Variants in OR51I2 observed in about 807,000 individuals in gnomAD.
The protein encoded by OR51I2 is olfactory receptor family 51 subfamily I member 2, also known as olfactory receptor 51I2.
Under a neutral mutation model 9.3 loss-of-function variants are expected in OR51I2, and 6 were observed. That is an observed-to-expected ratio of 0.64 (90% CI 0.35 to 1.27). The LOEUF is 1.27. Among genes scored for constraint, OR51I2 ranks in the 50% most tolerant of loss-of-function variants. The probability of loss-of-function intolerance (pLI) is 0.03; values close to 1 mark genes in which losing one functional copy is unlikely to be tolerated. For missense variants in OR51I2, 489 were observed against 396.4 expected (o/e 1.23, Z -1.98); for synonymous variants, 179 against 143.1 (o/e 1.25, Z -1.79).
chr11:5,453,972 CTTA>C lies in OR51I2; in HGVS notation c.488_490del (p.Ile163del), dbSNP rs1196083380. 3 of 1,614,052 alleles carry C rather than the reference CTTA, an allele frequency of 1.9e-6. No homozygotes were observed. Among genetic ancestry groups the C allele is most frequent in the South Asian group, 2.2e-5 (2 of 91,082 alleles). Reference sequence around the variant, plus strand: ...CATCACCCTTTTCCCTCTTCCCTTTCTTATTAAGAGGCTGCCTATCTGCAGATC... The same window carrying C: ...CATCACCCTTTTCCCTCTTCCCTTTCTTAAGAGGCTGCCTATCTGCAGATC... On this transcript the variant is annotated inframe_deletion, in exon 2 of 2. Coordinates refer to ENST00000641930, the MANE Select transcript of OR51I2 (RefSeq NM_001004754.3).
In OR51I2 at chr11:5,455,560, G is replaced by GA. The variant is rs1256143120; in HGVS notation, c.*1133_*1134insA. 2 of 28,204 alleles carry GA rather than the reference G, an allele frequency of 7.1e-5. No homozygotes were observed. Among genetic ancestry groups the GA allele is most frequent in the Non-Finnish European group, 1.7e-4 (2 of 12,074 alleles). 1.7% of individuals were successfully genotyped at this position (28,204 alleles called of 1,614,324 possible). On this transcript the variant is annotated 3_prime_UTR_variant, in exon 2 of 2. Coordinates refer to ENST00000641930, the MANE Select transcript of OR51I2 (RefSeq NM_001004754.3). ...GAGCGAGGGATTGGGGGAGAAAGAA[G>GA]GGGGGAGAGAGAGAGAGAAAGAGAA...
chr11:5,451,185 C>T (rs1850841806), intron 1 of OR51I2, among the ~76,000 whole-genome samples: 1 of 152,202 alleles, frequency 6.6e-6, no homozygotes, highest in Non-Finnish European at 1.5e-5. Context: ...ACAAAATTAG[C>T]AATCCCCAAG....
intron 1 of OR51I2, among the ~76,000 whole-genome samples, chr11:5,452,411 C>T (rs1056070109): frequency 2.8e-5 from 4 of 145,222 alleles, no homozygotes; most frequent in Non-Finnish European, 3.0e-5. Context: ...GAGGCTGAGG[C>T]AGAAGAATGG....
intron 1 of OR51I2, among the ~76,000 whole-genome samples, chr11:5,452,953 C>A (rs1015434601): frequency 1.3e-5 from 2 of 152,226 alleles, no homozygotes; most frequent in Non-Finnish European, 2.9e-5. Context: ...AGCCCACTGT[C>A]CTTTTCCCTC....
chr11:5,451,865 C>A (rs1303136831), intron 1 of OR51I2, among the ~76,000 whole-genome samples: 5 of 152,192 alleles, frequency 3.3e-5, no homozygotes, highest in Non-Finnish European at 7.3e-5. Flanking sequence ...AGTGAAAAGC[C>A]TTCTAGCCTT....
chr11:5,453,222 G>A (rs1003367486), intron 1 of OR51I2, 37 bp from the exon 2 acceptor site: 1 of 302,414 alleles, frequency 3.3e-6, no homozygotes, highest in African/African-American at 2.2e-5. Flanking sequence ...TTCTATTATT[G>A]AAGTATTTGT....
At chr11:5,450,305 C>T (rs1441895288) in intron 1 of OR51I2, among the ~76,000 whole-genome samples, 2 of 152,042 alleles carry the variant, frequency 1.3e-5, no homozygotes, top group Admixed American at 6.6e-5. Context: ...ACAAGAATCA[C>T]CTGAACCTGG....
At position 5,454,324 on chromosome 11, in the gene OR51I2, T is replaced by C; in HGVS notation, c.836T>C (p.Val279Ala). 1 of 1,614,164 alleles carries C rather than the reference T, an allele frequency of 6.2e-7. No homozygotes were observed. The highest frequency in any genetic ancestry group is 8.5e-7 in the Non-Finnish European group (1 of 1,180,000). Reference sequence around the variant, plus strand: ...TACATACATGTCCTCATGTCAAATGTGTACCTATTTGTGCCTCCTGTGCTC... The same window carrying C: ...TACATACATGTCCTCATGTCAAATGCGTACCTATTTGTGCCTCCTGTGCTC... ...PCYIHVLMSN[V>A]YLFVPPVLNP... The change falls in exon 2 of 2, where the codon GTG (valine) becomes GCG (alanine). Residue 279 changes from valine (V) to alanine (A), a missense_variant. Physicochemically the swap from Val to Ala is moderately conservative, Grantham distance 64. Coordinates refer to ENST00000641930, the MANE Select transcript of OR51I2 (RefSeq NM_001004754.3).
Position 5,453,635 on chromosome 11 carries a change from G to A in OR51I2, c.147G>A (p.Val49=). 6.2e-7 allele frequency: 1 copy of A among 1,613,768 alleles called. No homozygotes were observed. Among genetic ancestry groups the A allele is most frequent in the Non-Finnish European group, 8.5e-7 (1 of 1,179,894 alleles). ...LGGNTVILQA[V]RVEPSLHEPM... Reference sequence around the variant, plus strand: ...GAAATACAGTGATCCTGCAGGCTGTGCGAGTGGAGCCCAGCCTCCATGAGC... The same window carrying A: ...GAAATACAGTGATCCTGCAGGCTGTACGAGTGGAGCCCAGCCTCCATGAGC... The change falls in exon 2 of 2, where the codon GTG becomes GTA. Residue 49 remains valine (V), a synonymous_variant. Transcript: ENST00000641930.
Position 5,453,971 on chromosome 11 carries a change from T to C in OR51I2, c.483T>C (p.Phe161=). The change falls in exon 2 of 2, where the codon TTT becomes TTC. Residue 161 remains phenylalanine, a synonymous_variant. Coordinates refer to ENST00000641930, the MANE Select transcript of OR51I2 (RefSeq NM_001004754.3). ...TCATCACCCTTTTCCCTCTTCCCTT[T>C]CTTATTAAGAGGCTGCCTATCTGCA... The part of the protein sequence containing the change: ...RSFITLFPLP[F]LIKRLPICRS... 1 of 1,614,088 alleles carries C rather than the reference T, an allele frequency of 6.2e-7. No individual in the cohort carries two copies. The highest frequency in any genetic ancestry group is 8.5e-7 in the Non-Finnish European group (1 of 1,180,010).
At position 5,453,655 on chromosome 11, in the gene OR51I2, A is replaced by G. The variant is rs1422130497; in HGVS notation, c.167A>G (p.His56Arg). 3.1e-6 allele frequency: 5 copies of G among 1,613,526 alleles called. No homozygotes were observed. Among genetic ancestry groups the G allele is most frequent in the Non-Finnish European group, 3.4e-6 (4 of 1,179,746 alleles). The change falls in exon 2 of 2, where the codon CAT (histidine) becomes CGT (arginine). Residue 56 changes from histidine to arginine, a missense_variant. His to Arg is a conservative substitution (Grantham distance 29). Transcript: ENST00000641930. The part of the protein sequence containing the change: ...LQAVRVEPSL[H>R]EPMYYFLSML... ...GCTGTGCGAGTGGAGCCCAGCCTCC[A>G]TGAGCCCATGTACTACTTCCTGTCC...
rs1407581085 is a variant in OR51I2 at position 5,452,362 on chromosome 11, C to G, written c.-230-897C>G. 2.6e-5 allele frequency among the ~76,000 whole-genome samples: 4 copies of G among 151,808 alleles called. No individual in the cohort carries two copies. The East Asian group carries it at 5.8e-4, about 22-fold the overall frequency. ...TACTAAAACTACAAAAAAAATTAGC[C>G]GGGCATGGTGGCGGGAGCCTGTAGT... On this transcript the variant is annotated intron_variant, in intron 1 of 1. Coordinates refer to ENST00000641930, the MANE Select transcript of OR51I2 (RefSeq NM_001004754.3).
rs755014153 is a variant in OR51I2, at chr11:5,454,054, G to A, written c.566G>A (p.Cys189Tyr). The change falls in exon 2 of 2, where the codon TGT becomes TAT. Residue 189 changes from cysteine to tyrosine, a missense_variant. Cys to Tyr is a radical substitution (Grantham distance 194, BLOSUM62 -2). Coordinates refer to ENST00000641930, the MANE Select transcript of OR51I2 (RefSeq NM_001004754.3). ...CACCCAGACATGATGAGGCTTGCCT[G>A]TGCTGATATCAGTATCAACAGCATC... The part of the protein sequence containing the change: ...CLHPDMMRLA[C>Y]ADISINSIYG... 26 of 1,613,984 alleles carry A rather than the reference G, an allele frequency of 1.6e-5. No individual in the cohort carries two copies. Among genetic ancestry groups the A allele is most frequent in the Non-Finnish European group, 2.2e-5 (26 of 1,180,024 alleles).
At chr11:5,452,367 A>G (rs11037483) in intron 1 of OR51I2, among the ~76,000 whole-genome samples, 70,709 of 151,198 alleles carry the variant, frequency 0.47, 16,791 homozygotes, top group Non-Finnish European at 0.5. Context: ...TTAGCCGGGC[A>G]TGGTGGCGGG....
rs778549994 is a variant in OR51I2, at chr11:5,453,508, C to T, written c.20C>T (p.Thr7Ile). Reference protein sequence around the residue: MGLFNVTHPAFFLLTGI... With the variant: MGLFNVIHPAFFLLTGI... The stretch of plus-strand genomic sequence containing the variant: ...TTTGCTATGGGGTTGTTCAATGTCA[C>T]TCACCCTGCATTCTTCCTCCTGACT... Residue 7 changes from threonine (T) to isoleucine (I), a missense_variant, in exon 2 of 2, where the codon ACT (threonine) becomes ATT (isoleucine). Thr to Ile is a moderately conservative substitution (Grantham distance 89). Transcript: ENST00000641930. The T allele has an allele frequency of 1.3e-6, 2 of 1,564,416 alleles. No individual in the cohort carries two copies. The highest frequency in any genetic ancestry group is 8.6e-7 in the Non-Finnish European group (1 of 1,158,598).
rs1554893762 is a variant in OR51I2, at chr11:5,455,568, A to AGAG, written c.*1142_*1144dup. The AGAG allele has an allele frequency of 1.7e-4, 23 of 135,428 alleles. 1 individual carries two copies. The highest frequency in any genetic ancestry group is 6.5e-4 in the African/African-American group (23 of 35,648). 8.4% of individuals were successfully genotyped at this position (135,428 alleles called of 1,614,324 possible). ...GATTGGGGGAGAAAGAAGGGGGGAGAGAGAGAGAGAAAGAGAAAGAGAGAA... is the reference window on the plus strand; with the variant it reads ...GATTGGGGGAGAAAGAAGGGGGGAGAGAGGAGAGAGAGAAAGAGAAAGAGAGAA... On this transcript the variant is annotated 3_prime_UTR_variant, in exon 2 of 2. Transcript: ENST00000641930.
rs1272381671 is a variant in OR51I2, at chr11:5,453,567, C to T, written c.79C>T (p.Leu27=). The change falls in exon 2 of 2, where the codon CTG becomes TTG. Residue 27 remains leucine (L), a synonymous_variant. Coordinates refer to ENST00000641930, the MANE Select transcript of OR51I2 (RefSeq NM_001004754.3). ...IPGLESSHSW[L]SGPLCVMYAV... is the part of the protein sequence containing the mutation. ...TGGTCTGGAGAGCTCTCACTCCTGG[C>T]TGTCAGGGCCCCTCTGCGTGATGTA... 6.2e-7 allele frequency: 1 copy of T among 1,611,136 alleles called. No homozygotes were observed. The highest frequency in any genetic ancestry group is 1.1e-5 in the South Asian group (1 of 90,564).
intron 1 of OR51I2, 140 bp from the exon 2 acceptor site, chr11:5,453,119 A>G (rs1308735674): frequency 6.2e-6 from 1 of 161,752 alleles, no homozygotes; most frequent in Non-Finnish European, 1.3e-5. Context: ...TCTTGTGGCT[A>G]TGAATTGTAG....
Position 5,453,687 on chromosome 11 carries a change from T to C in OR51I2, c.199T>C (p.Ser67Pro). The C allele has an allele frequency of 6.2e-7, 1 of 1,613,746 alleles. No homozygotes were observed. The highest frequency in any genetic ancestry group is 8.5e-7 in the Non-Finnish European group (1 of 1,179,794). ...EPMYYFLSML[S>P]FSDVAISMAT... ...CATGTACTACTTCCTGTCCATGTTGTCCTTCAGTGATGTGGCCATATCCAT... is the reference window on the plus strand; with the variant it reads ...CATGTACTACTTCCTGTCCATGTTGCCCTTCAGTGATGTGGCCATATCCAT... The change falls in exon 2 of 2, where the codon TCC becomes CCC. Residue 67 changes from serine (S) to proline (P), a missense_variant. Transcript: ENST00000641930.
Sources: gnomAD v4.1 joint callset for allele counts (sites outside exome capture counted in the v4.1 genomes callset) on GRCh38, gnomAD v4.1.1 for gene constraint, MANE v1.5 for transcripts, NCBI Gene and HGNC (gene_info 2026-07-23, HGNC 2026-07-21) for gene names.